LPAR6: variants seen among roughly 807,000 people sequenced by gnomAD.
LPAR6 encodes G-protein coupled purinergic receptor P2Y5.
A neutral mutation model predicts 22.0 loss-of-function variants in LPAR6; 17 were observed. The observed-to-expected ratio is 0.77, with a 90% CI of 0.53 to 1.16. The LOEUF is 1.16. Ranked by LOEUF, LPAR6 falls within the 50% of genes most tolerant of loss-of-function variation. LPAR6 has a pLI of 0.00. For synonymous variants in LPAR6, 136 were observed against 139.8 expected, an observed-to-expected ratio of 0.97 and a Z score of 0.19; for missense variants, 384 against 406.9, an observed-to-expected ratio of 0.94 and a Z score of 0.48.
intron 1 of LPAR6, among the ~76,000 whole-genome samples, chr13:48,394,284 A>G (rs892214927): frequency 2.6e-5 from 4 of 152,160 alleles, no homozygotes; most frequent in African/African-American, 9.7e-5. Flanking sequence ...TCGGGTGCCT[A>G]CACCACCAGG....
intron 2 of LPAR6, among the ~76,000 whole-genome samples, chr13:48,419,685 T>TA (rs1023430846): frequency 1.3e-4 from 19 of 151,484 alleles, no homozygotes; most frequent in Non-Finnish European, 1.6e-4. Flanking sequence ...ATAGACACAA[T>TA]AAAAAAATGC....
chr13:48,415,453 T>C (rs1466735673), upstream of LPAR6, among the ~76,000 whole-genome samples: 1 of 152,034 alleles, frequency 6.6e-6, no homozygotes, highest in East Asian at 1.9e-4. Flanking sequence ...CTAATTTTTG[T>C]ATTTTTAGTA....
chr13:48,410,751 C>CAT (rs1337973693), downstream of LPAR6, among the ~76,000 whole-genome samples: 1 of 152,034 alleles, frequency 6.6e-6, no homozygotes, highest in African/African-American at 2.4e-5. Context: ...CAAAGCATAC[C>CAT]ATATAGATAG....
chr13:48,410,489 A>G (rs1462567994), downstream of LPAR6, among the ~76,000 whole-genome samples: 1 of 152,198 alleles, frequency 6.6e-6, no homozygotes, highest in East Asian at 1.9e-4. Flanking sequence ...ACGTGACAGT[A>G]TATTACTTTC....
chr13:48,424,540 G>A (rs770550697), intron 1 of LPAR6, among the ~76,000 whole-genome samples: 44 of 152,180 alleles, frequency 2.9e-4, no homozygotes, highest in Non-Finnish European at 5.1e-4. Context: ...ATTGTGGTAA[G>A]ATTTAAAACT....
Position 48,433,225 on chromosome 13 carries a change from T to C in LPAR6, c.-1473-9106A>G, listed in dbSNP as rs539165090. ...ATTCTTTTAGACGTTAATTTTTTTT[T>C]CAAAAAGATACATATGTACTTTTCT... On this transcript the variant is annotated intron_variant, in intron 1 of 6. Transcript: ENST00000378434. 3.3e-5 allele frequency among the ~76,000 whole-genome samples: 5 copies of C among 152,264 alleles called. No individual in the cohort carries two copies. The East Asian group carries it at 7.7e-4, about 23-fold the overall frequency.
intron 1 of LPAR6, among the ~76,000 whole-genome samples, chr13:48,392,020 G>C (rs913671270): frequency 6.6e-6 from 1 of 152,168 alleles, no homozygotes; most frequent in African/African-American, 2.4e-5. Context: ...AAGGTCTTTT[G>C]CTGGGTATTG....
intron 1 of LPAR6, chr13:48,439,885 A>G (rs1949219624): frequency 6.6e-6 from 1 of 152,176 alleles, no homozygotes; most frequent in South Asian, 2.1e-4. Context: ...ACTTTTCAGA[A>G]ATTTATATCA....
intron 1 of LPAR6, among the ~76,000 whole-genome samples, chr13:48,404,889 A>AT (rs1593472953): frequency 1.3e-5 from 2 of 152,260 alleles, no homozygotes; most frequent in Admixed American, 6.5e-5. Context: ...AAAGTAAGCT[A>AT]TTTTAGGGGA....
At chr13:48,403,585 A>T (rs928430304) in intron 1 of LPAR6, among the ~76,000 whole-genome samples, 2 of 152,170 alleles carry the variant, frequency 1.3e-5, no homozygotes, top group Admixed American at 6.5e-5. Context: ...AGAGTGGGGC[A>T]ATAATCAGGA....
intron 1 of LPAR6, among the ~76,000 whole-genome samples, chr13:48,393,371 T>A (rs1202524811): frequency 1.3e-5 from 2 of 152,326 alleles, no homozygotes; most frequent in East Asian, 3.9e-4. Flanking sequence ...TTCCAGTTTC[T>A]CATCTCTGGA....
upstream of LPAR6, among the ~76,000 whole-genome samples, chr13:48,431,780 C>T (rs115900692): frequency 3.6e-3 from 548 of 152,090 alleles, 3 homozygotes; most frequent in African/African-American, 0.012. Flanking sequence ...TCAACCTAAC[C>T]GAAAAAGATT....
chr13:48,432,781 T>C (rs1276016898), intron 1 of LPAR6, among the ~76,000 whole-genome samples: 1 of 152,122 alleles, frequency 6.6e-6, no homozygotes, highest in African/African-American at 2.4e-5. Context: ...GGAATAAAAT[T>C]TTAATTTATA....
In LPAR6 at chr13:48,404,889, A is replaced by C. The variant is rs142540356; in HGVS notation, n.114+10811T>G. ...AGCTTCCAGAGAGAAAAAGTAAGCT[A>C]TTTTAGGGGAATGAGATCCAGATCA... On this transcript the variant is annotated intron_variant and non_coding_transcript_variant, in intron 1 of 1. Coordinates refer to the LPAR6 transcript ENST00000462781. Among the ~76,000 whole-genome samples the C allele has an allele frequency of 5.5e-3, 832 of 152,258 alleles. 14 individuals carry two copies. The highest frequency in any genetic ancestry group is 0.019 in the African/African-American group (792 of 41,556).
intron 1 of LPAR6, among the ~76,000 whole-genome samples, chr13:48,397,005 G>C (rs143618903): frequency 7.5e-4 from 115 of 152,332 alleles, no homozygotes; most frequent in Non-Finnish European, 1.4e-3. Context: ...ACAGATGCTG[G>C]AGAGGCTGTG....
intron 1 of LPAR6, among the ~76,000 whole-genome samples, chr13:48,393,774 A>G (rs1309557145): frequency 1.3e-5 from 2 of 151,838 alleles, no homozygotes; most frequent in African/African-American, 2.4e-5. Flanking sequence ...ATTTTTTTGT[A>G]TTAAATTTTG....
intron 2 of LPAR6, among the ~76,000 whole-genome samples, chr13:48,419,298 A>G (rs958043931): frequency 6.6e-6 from 1 of 152,220 alleles, no homozygotes; most frequent in South Asian, 2.1e-4. Flanking sequence ...TGGGAAAATA[A>G]TGAAATTAAG....
At chr13:48,393,923 C>T (rs1948629276) in intron 1 of LPAR6, among the ~76,000 whole-genome samples, 1 of 152,126 alleles carries the variant, frequency 6.6e-6, no homozygotes, top group African/African-American at 2.4e-5. Context: ...ACTTGGCCAA[C>T]ATACTTTTAC....
intron 1 of LPAR6, among the ~76,000 whole-genome samples, chr13:48,435,002 A>G (rs762437820): frequency 2.0e-5 from 3 of 152,226 alleles, no homozygotes; most frequent in Non-Finnish European, 4.4e-5. Context: ...GTTTTTGGCT[A>G]TCACAAATAA....
Sources: gnomAD v4.1 joint callset for allele counts (sites outside exome capture counted in the v4.1 genomes callset) on GRCh38, gnomAD v4.1.1 for gene constraint, MANE v1.5 for transcripts, NCBI Gene and HGNC (gene_info 2026-07-23, HGNC 2026-07-21) for gene names.